The following PPM1L variants were observed in gnomAD, a reference collection of about 807,000 sequenced individuals.
PPM1L encodes the protein protein phosphatase 1L.
PPM1L carries 13 observed loss-of-function variants against 31.4 expected under a neutral mutation model. The ratio of observed to expected loss-of-function variants is 0.41; its 90% CI spans 0.27 to 0.66. The LOEUF (loss-of-function observed/expected upper bound fraction) is 0.66, where lower values mean the gene tolerates loss of function less well. PPM1L is among the 30% of genes least tolerant of loss of function. PPM1L has a pLI of 0.29. For synonymous variants in PPM1L, 184 were observed against 175.4 expected (o/e 1.05, Z -0.39); for missense variants, 326 against 453.7 (o/e 0.72, Z 2.56).
chr3:160,824,669 A>G (rs1470708369), intron 1 of PPM1L, among the ~76,000 whole-genome samples: 1 of 152,156 alleles, frequency 6.6e-6, no homozygotes, highest in Non-Finnish European at 1.5e-5. Context: ...ATGGCCACAA[A>G]TCAGAGCTCT....
chr3:160,891,034 G>A (rs147968582), intron 1 of PPM1L, among the ~76,000 whole-genome samples: 34 of 152,132 alleles, frequency 2.2e-4, no homozygotes, highest in Admixed American at 5.9e-4. Flanking sequence ...AGAAGAAAAC[G>A]TAGGCAGTAC....
In PPM1L at chr3:160,961,921, T is replaced by C. The variant is rs777887926; in HGVS notation, c.574+11T>C. 2 of 1,534,494 alleles carry C rather than the reference T, an allele frequency of 1.3e-6. No individual in the cohort carries two copies. Among genetic ancestry groups the C allele is most frequent in the Non-Finnish European group, 1.7e-6 (2 of 1,146,976 alleles). ...CCTATGATGAAGCAGGTATGTTTGTTTTTAAAACACACATTTTTTTTCCTT... is the reference window on the plus strand; with the variant it reads ...CCTATGATGAAGCAGGTATGTTTGTCTTTAAAACACACATTTTTTTTCCTT... On this transcript the variant is annotated intron_variant, in intron 2 of 3. Coordinates refer to ENST00000498165, the MANE Select transcript of PPM1L (RefSeq NM_139245.4).
At chr3:160,811,576 A>G (rs77963192) in intron 1 of PPM1L, among the ~76,000 whole-genome samples, 8,822 of 152,332 alleles carry the variant, frequency 0.058, 277 homozygotes, top group African/African-American at 0.076. Flanking sequence ...GTTTTAATAT[A>G]TTAATGAGAT....
intron 1 of PPM1L, among the ~76,000 whole-genome samples, chr3:160,766,500 C>G (rs1229311462): frequency 1.3e-5 from 2 of 152,192 alleles, no homozygotes; most frequent in Admixed American, 1.3e-4. Flanking sequence ...GGCTTTTCCC[C>G]TCTTTCCACT....
At chr3:160,781,564 G>A (rs1005254661) in intron 1 of PPM1L, among the ~76,000 whole-genome samples, 6 of 152,182 alleles carry the variant, frequency 3.9e-5, no homozygotes, top group African/African-American at 1.4e-4. Flanking sequence ...AGAGAGCTCA[G>A]GGCACATGAA....
chr3:160,757,863 GC>G (rs1308102405), intron 1 of PPM1L, among the ~76,000 whole-genome samples: 1 of 152,172 alleles, frequency 6.6e-6, no homozygotes, highest in Non-Finnish European at 1.5e-5. Context: ...GTAGGGAACT[GC>G]AGGGACTGCC....
intron 1 of PPM1L, among the ~76,000 whole-genome samples, chr3:160,847,278 A>G (rs1013353571): frequency 1.3e-5 from 2 of 152,144 alleles, no homozygotes; most frequent in East Asian, 1.9e-4. Flanking sequence ...TGTAGTATCA[A>G]TTTTTCCTAA....
At chr3:160,909,135 A>G (rs761398178) in intron 1 of PPM1L, among the ~76,000 whole-genome samples, 3 of 152,162 alleles carry the variant, frequency 2.0e-5, no homozygotes, top group Non-Finnish European at 4.4e-5. Flanking sequence ...ACGTTTTTGT[A>G]AAGGGGAGAT....
At chr3:160,983,251 A>G (rs1240467637) in intron 2 of PPM1L, among the ~76,000 whole-genome samples, 1 of 152,244 alleles carries the variant, frequency 6.6e-6, no homozygotes, top group African/African-American at 2.4e-5. Flanking sequence ...TAGGGCTCAG[A>G]GTACAATTAA....
At chr3:160,924,142 T>G (rs12696110) in intron 1 of PPM1L, among the ~76,000 whole-genome samples, 125,843 of 152,174 alleles carry the variant, frequency 0.83, 52,253 homozygotes, top group Middle Eastern at 0.89. Flanking sequence ...GGGTGCGATT[T>G]GGTGTTGCCA....
intron 1 of PPM1L, among the ~76,000 whole-genome samples, chr3:160,929,710 G>C (rs1219148247): frequency 6.6e-6 from 1 of 152,132 alleles, no homozygotes; most frequent in African/African-American, 2.4e-5. Context: ...TCCATTGTGA[G>C]GTCCTTTCAC....
At chr3:160,787,077 G>T (rs916281007) in intron 1 of PPM1L, among the ~76,000 whole-genome samples, 35 of 152,170 alleles carry the variant, frequency 2.3e-4, no homozygotes, top group Admixed American at 1.4e-3. Context: ...ACATGCATGT[G>T]TTTTTATGGT....
intron 2 of PPM1L, among the ~76,000 whole-genome samples, chr3:161,009,352 G>A (rs556009016): frequency 1.5e-4 from 23 of 152,128 alleles, no homozygotes; most frequent in African/African-American, 5.3e-4. Context: ...TATTATATAG[G>A]CTTACATATG....
At chr3:160,828,835 C>T (rs965917717) in intron 1 of PPM1L, among the ~76,000 whole-genome samples, 12 of 152,070 alleles carry the variant, frequency 7.9e-5, no homozygotes, top group African/African-American at 2.9e-4. Context: ...CCCCAAACAC[C>T]CTTTATTTAT....
intron 2 of PPM1L, among the ~76,000 whole-genome samples, chr3:160,987,823 G>A (rs1559914846): frequency 6.6e-6 from 1 of 152,214 alleles, no homozygotes. Flanking sequence ...GATATGCTCT[G>A]TGTTTTAAAC....
intron 1 of PPM1L, among the ~76,000 whole-genome samples, chr3:160,899,474 T>C (rs190754717): frequency 6.6e-6 from 1 of 152,296 alleles, no homozygotes; most frequent in African/African-American, 2.4e-5. Flanking sequence ...TGCCAATGAA[T>C]TGGATTTTAA....
chr3:160,796,267 C>CT (rs1194288114), intron 1 of PPM1L, among the ~76,000 whole-genome samples: 3 of 152,284 alleles, frequency 2.0e-5, no homozygotes, highest in Admixed American at 6.5e-5. Context: ...TTATAGCTCT[C>CT]TTTTTTGGGA....
intron 1 of PPM1L, among the ~76,000 whole-genome samples, chr3:160,834,465 ATGTGTATGTGTG>A (rs1403300700): frequency 1.6e-4 from 19 of 115,420 alleles, no homozygotes; most frequent in African/African-American, 6.5e-4. Flanking sequence ...GCATTTGTGT[ATGTGTATGTGTG>A]TGTGTGTGTG....
intron 1 of PPM1L, among the ~76,000 whole-genome samples, chr3:160,944,275 A>G (rs1715253149): frequency 6.6e-6 from 1 of 151,930 alleles, no homozygotes; most frequent in Admixed American, 6.6e-5. Flanking sequence ...GGCCTTGTTA[A>G]TTTTCTCATT....
Sources: gnomAD v4.1 joint callset for allele counts (sites outside exome capture counted in the v4.1 genomes callset) on GRCh38, gnomAD v4.1.1 for gene constraint, MANE v1.5 for transcripts, NCBI Gene and HGNC (gene_info 2026-07-23, HGNC 2026-07-21) for gene names.